Variants in ANKRD30A observed in about 807,000 individuals in gnomAD.
ANKRD30A encodes ankyrin repeat domain-containing protein 30A.
ANKRD30A carries 170 observed loss-of-function variants against 166.3 expected under a neutral mutation model. The ratio of observed to expected loss-of-function variants is 1.02; its 90% CI spans 0.90 to 1.16. The LOEUF (loss-of-function observed/expected upper bound fraction) is 1.16, where lower values mean the gene tolerates loss of function less well. Among genes scored for constraint, ANKRD30A ranks in the 50% most tolerant of loss-of-function variants. The pLI is 0.00. For missense variants in ANKRD30A, 1,630 were observed against 1,518.0 expected, an observed-to-expected ratio of 1.07 and a Z score of -1.23; for synonymous variants, 564 against 508.9, an observed-to-expected ratio of 1.11 and a Z score of -1.46.
At chr10:37,202,561 C>T (rs1841710767) in intron 31 of ANKRD30A, among the ~76,000 whole-genome samples, 1 of 152,154 alleles carries the variant, frequency 6.6e-6, no homozygotes, top group African/African-American at 2.4e-5. Flanking sequence ...GATACACTAA[C>T]ATCACAATTA....
intron 24 of ANKRD30A, among the ~76,000 whole-genome samples, chr10:37,179,283 G>A (rs754314841): frequency 5.9e-4 from 89 of 150,796 alleles, no homozygotes; most frequent in African/African-American, 1.7e-3. Flanking sequence ...GTTGTTATTC[G>A]TAGGTATTTT....
the ANKRD30A span, among the ~76,000 whole-genome samples, chr10:37,247,842 A>G: frequency 6.7e-6 from 1 of 150,330 alleles, no homozygotes; most frequent in Admixed American, 6.7e-5. Flanking sequence ...AGATCGTGCC[A>G]CTGTACTCCA....
chr10:37,197,453 T>C lies in ANKRD30A; in HGVS notation c.2689T>C (p.Leu897=). Residue 897 remains leucine (L), a synonymous_variant, in exon 29 of 36, where the codon TTG becomes CTG. Coordinates refer to ENST00000361713, the MANE Select transcript of ANKRD30A (RefSeq NM_052997.3). ...QKSVPNKALE[L]KNEQTLRADQ... ...GTCTGTTCCAAATAAAGCCTTGGAA[T>C]TGAAGAATGAACAAACATTGAGAGC... 1.9e-6 allele frequency: 3 copies of C among 1,612,556 alleles called. No individual in the cohort carries two copies. Among genetic ancestry groups the C allele is most frequent in the Non-Finnish European group, 2.5e-6 (3 of 1,179,684 alleles).
At chr10:37,248,061 A>G in the ANKRD30A span, 1 of 437,222 alleles carries the variant, frequency 2.3e-6, no homozygotes. Context: ...AGAAGGGAAC[A>G]CTGAAGCCAT....
chr10:37,191,055 A>T (rs1456562849), intron 25 of ANKRD30A, among the ~76,000 whole-genome samples: 2 of 152,008 alleles, frequency 1.3e-5, no homozygotes, highest in Admixed American at 1.3e-4. Context: ...TGTTATTCGT[A>T]GGTATTTTAC....
intron 11 of ANKRD30A, among the ~76,000 whole-genome samples, chr10:37,151,190 A>C (rs1837908687): frequency 6.6e-6 from 1 of 152,090 alleles, no homozygotes; most frequent in South Asian, 2.1e-4. Context: ...TTTTTTCCTC[A>C]ACCTGATTCA....
At chr10:37,162,387 A>T (rs1490794234) in intron 15 of ANKRD30A, among the ~76,000 whole-genome samples, 1 of 152,194 alleles carries the variant, frequency 6.6e-6, no homozygotes, top group Non-Finnish European at 1.5e-5. Flanking sequence ...TTATTTTCTC[A>T]TATCAACCCT....
chr10:37,246,546 A>T, the ANKRD30A span, among the ~76,000 whole-genome samples: 1 of 152,308 alleles, frequency 6.6e-6, no homozygotes, highest in East Asian at 1.9e-4. Flanking sequence ...TATAATTCTT[A>T]AAAACACTAG....
chr10:37,204,586 A>T (rs1034085312), intron 31 of ANKRD30A, among the ~76,000 whole-genome samples: 8 of 152,196 alleles, frequency 5.3e-5, no homozygotes, highest in Non-Finnish European at 8.8e-5. Context: ...AAACACCAAA[A>T]GCAATGGCAA....
chr10:37,193,958 A>G (rs1312447522), intron 27 of ANKRD30A, among the ~76,000 whole-genome samples: 1 of 152,128 alleles, frequency 6.6e-6, no homozygotes, highest in Non-Finnish European at 1.5e-5. Context: ...AGTTTGGGAG[A>G]GAAAGGCAGA....
intron 18 of ANKRD30A, among the ~76,000 whole-genome samples, chr10:37,166,337 G>C (rs1839338644): frequency 6.6e-6 from 1 of 152,244 alleles, no homozygotes; most frequent in Non-Finnish European, 1.5e-5. Context: ...ATATGCACGA[G>C]TGAATTTTTT....
chr10:37,195,463 A>G (rs1198275680), intron 27 of ANKRD30A, among the ~76,000 whole-genome samples: 1 of 152,124 alleles, frequency 6.6e-6, no homozygotes, highest in Admixed American at 6.6e-5. Context: ...TTCACATGCT[A>G]GTTCAGAAGA....
At chr10:37,189,929 A>G (rs1290435159) in intron 25 of ANKRD30A, among the ~76,000 whole-genome samples, 1 of 151,918 alleles carries the variant, frequency 6.6e-6, no homozygotes, top group African/African-American at 2.4e-5. Flanking sequence ...ATGATTGCTT[A>G]GGAAAAGATC....
chr10:37,250,326 T>A, the ANKRD30A span, among the ~76,000 whole-genome samples: 3 of 150,998 alleles, frequency 2.0e-5, no homozygotes, highest in Non-Finnish European at 4.4e-5. Flanking sequence ...GTCAGGGAGG[T>A]GTGGGGAAGG....
At chr10:37,238,591 G>A in the ANKRD30A span, among the ~76,000 whole-genome samples, 6 of 152,110 alleles carry the variant, frequency 3.9e-5, no homozygotes, top group African/African-American at 1.4e-4. Context: ...GTTGAGAAAC[G>A]TGTTTGATAT....
At chr10:37,161,943 A>G (rs1005181973) in intron 15 of ANKRD30A, among the ~76,000 whole-genome samples, 6 of 152,210 alleles carry the variant, frequency 3.9e-5, no homozygotes, top group African/African-American at 1.4e-4. Context: ...TGGTGACTTA[A>G]CAATATAAAA....
At chr10:37,148,211 G>A (rs1837650198) in intron 9 of ANKRD30A, among the ~76,000 whole-genome samples, 1 of 152,108 alleles carries the variant, frequency 6.6e-6, no homozygotes, top group Non-Finnish European at 1.5e-5. Context: ...AGTAGCAAGA[G>A]GAGAGGCCAT....
At chr10:37,151,139 T>C (rs964544376) in intron 11 of ANKRD30A, among the ~76,000 whole-genome samples, 1 of 151,940 alleles carries the variant, frequency 6.6e-6, no homozygotes, top group African/African-American at 2.4e-5. Flanking sequence ...GTATGCATAG[T>C]GATGAAACGG....
At chr10:37,202,263 A>C (rs1014093436) in intron 31 of ANKRD30A, among the ~76,000 whole-genome samples, 4 of 152,214 alleles carry the variant, frequency 2.6e-5, no homozygotes, top group Non-Finnish European at 5.9e-5. Flanking sequence ...CAAATGTAAA[A>C]GAACAGAAAT....
Sources: gnomAD v4.1 joint callset for allele counts (sites outside exome capture counted in the v4.1 genomes callset) on GRCh38, gnomAD v4.1.1 for gene constraint, MANE v1.5 for transcripts, NCBI Gene and HGNC (gene_info 2026-07-23, HGNC 2026-07-21) for gene names.